ICA1: variants seen among roughly 807,000 people sequenced by gnomAD.
ICA1 encodes islet cell autoantigen 1, also known as 69 kDa islet cell autoantigen.
Under a neutral mutation model 71.0 loss-of-function variants are expected in ICA1, and 40 were observed. That is an observed-to-expected ratio of 0.56 (90% CI 0.44 to 0.73). The LOEUF (loss-of-function observed/expected upper bound fraction) is 0.73. ICA1 is among the 30% of genes least tolerant of loss of function. The pLI, the probability that ICA1 is intolerant of heterozygous loss-of-function variation, is 0.00. For synonymous variants in ICA1, 207 were observed against 209.5 expected, an observed-to-expected ratio of 0.99 and a Z score of 0.10; for missense variants, 578 against 576.5, an observed-to-expected ratio of 1.00 and a Z score of -0.03.
At chr7:8,192,502 G>A (rs1786032951) in intron 6 of ICA1, among the ~76,000 whole-genome samples, 1 of 152,192 alleles carries the variant, frequency 6.6e-6, no homozygotes, top group Non-Finnish European at 1.5e-5. Flanking sequence ...TTAAGATGGT[G>A]TTTGCCAGGT....
chr7:8,253,157 T>C (rs1808777179), intron 1 of ICA1, among the ~76,000 whole-genome samples: 1 of 152,260 alleles, frequency 6.6e-6, no homozygotes, highest in Non-Finnish European at 1.5e-5. Flanking sequence ...ATTAATTCTA[T>C]AACTTCGGTC....
At chr7:8,211,232 T>C (rs1294844572) in intron 6 of ICA1, among the ~76,000 whole-genome samples, 2 of 152,190 alleles carry the variant, frequency 1.3e-5, no homozygotes, top group Admixed American at 1.3e-4. Flanking sequence ...CCCTTGGAGA[T>C]TCAGCAGTAA....
At chr7:8,237,515 C>T (rs1802232389) in intron 1 of ICA1, among the ~76,000 whole-genome samples, 1 of 152,040 alleles carries the variant, frequency 6.6e-6, no homozygotes, top group South Asian at 2.1e-4. Flanking sequence ...TAACAATATA[C>T]ACTTTGTTGT....
chr7:8,148,310 C>A lies in ICA1; in HGVS notation c.805-4338G>T, dbSNP rs138610760. Among the ~76,000 whole-genome samples the A allele has an allele frequency of 2.7e-3, 418 of 152,278 alleles. 3 individuals are homozygous for A. Among genetic ancestry groups the A allele is most frequent in the Non-Finnish European group, 4.0e-3 (269 of 68,022 alleles). On this transcript the variant is annotated intron_variant, in intron 8 of 13. Coordinates refer to ENST00000402384, the MANE Select transcript of ICA1 (RefSeq NM_001136020.3). Reference sequence around the variant, plus strand: ...AGGCGGTGTCTTAGAATTTTTGCTTCACCAACGCTTATTCCTTAATTTAAC... The same window carrying A: ...AGGCGGTGTCTTAGAATTTTTGCTTAACCAACGCTTATTCCTTAATTTAAC...
intron 6 of ICA1, among the ~76,000 whole-genome samples, chr7:8,176,293 A>T (rs1584924887): frequency 6.6e-6 from 1 of 152,232 alleles, no homozygotes; most frequent in Admixed American, 6.5e-5. Flanking sequence ...TCTGCCTGGA[A>T]AGCCCTCTTC....
chr7:8,176,517 G>T (rs1780673719), intron 6 of ICA1, among the ~76,000 whole-genome samples: 1 of 152,186 alleles, frequency 6.6e-6, no homozygotes, highest in African/African-American at 2.4e-5. Flanking sequence ...ACTCTAAGCT[G>T]CACGAAGGGG....
At chr7:8,160,411 C>T (rs886117288) in intron 6 of ICA1, among the ~76,000 whole-genome samples, 3 of 152,164 alleles carry the variant, frequency 2.0e-5, no homozygotes, top group Admixed American at 6.5e-5. Flanking sequence ...GAGGCTTCAT[C>T]AAGGCAAGTT....
chr7:8,183,617 C>T (rs1315624540), intron 6 of ICA1, among the ~76,000 whole-genome samples: 2 of 152,160 alleles, frequency 1.3e-5, no homozygotes, highest in African/African-American at 4.8e-5. Context: ...TAACCCTGAG[C>T]AAGTTATTTA....
chr7:8,152,635 C>T lies in ICA1; in HGVS notation c.804+4481G>A, dbSNP rs796933266. 6.3e-3 allele frequency among the ~76,000 whole-genome samples: 830 copies of T among 132,704 alleles called. 29 individuals are homozygous for T. Among genetic ancestry groups the T allele is most frequent in the South Asian group, 0.014 (57 of 3,980 alleles). 87.1% of individuals were successfully genotyped at this position (132,704 alleles called of 152,430 possible). ...ACCATCACCTCTTCCACCACTACCA[C>T]CATCTCCTCCACCACCACCACCACC... On this transcript the variant is annotated intron_variant, in intron 8 of 13. Transcript: ENST00000402384.
At chr7:8,172,461 T>C (rs1808724018) in intron 6 of ICA1, among the ~76,000 whole-genome samples, 1 of 152,146 alleles carries the variant, frequency 6.6e-6, no homozygotes, top group Admixed American at 6.5e-5. Context: ...ATAAATCTGT[T>C]TCTTTACATT....
At chr7:8,156,842 C>G in intron 8 of ICA1, 5 of 1,490,196 alleles carry the variant, frequency 3.4e-6, no homozygotes, top group Non-Finnish European at 4.4e-6. Context: ...CACAATTCAT[C>G]TCCCAGGAAC....
intron 1 of ICA1, among the ~76,000 whole-genome samples, chr7:8,258,866 G>A (rs1563240248): frequency 6.6e-6 from 1 of 152,198 alleles, no homozygotes; most frequent in South Asian, 2.1e-4. Flanking sequence ...CATCTATCCA[G>A]GGCAAATCAT....
chr7:8,167,844 C>A (rs1465826207), intron 6 of ICA1, among the ~76,000 whole-genome samples: 1 of 152,074 alleles, frequency 6.6e-6, no homozygotes, highest in Non-Finnish European at 1.5e-5. Flanking sequence ...TGAATCAGAG[C>A]CCTTCCTTAG....
At chr7:8,188,878 C>T (rs1037028327) in intron 6 of ICA1, among the ~76,000 whole-genome samples, 7 of 152,102 alleles carry the variant, frequency 4.6e-5, no homozygotes, top group African/African-American at 7.2e-5. Context: ...CTTTCAGTGA[C>T]GCAAAGAGGA....
chr7:8,135,178 C>A (rs1293671017), intron 12 of ICA1, among the ~76,000 whole-genome samples: 2 of 152,068 alleles, frequency 1.3e-5, no homozygotes, highest in Non-Finnish European at 2.9e-5. Context: ...AGATGCCCAT[C>A]ACCAGGCCTG....
Position 8,136,597 on chromosome 7 carries a change from C to G in ICA1, c.1060+2243G>C, listed in dbSNP as rs144822360. 1.7e-3 allele frequency among the ~76,000 whole-genome samples: 252 copies of G among 152,264 alleles called. 2 individuals are homozygous for G. The highest frequency in any genetic ancestry group is 5.7e-3 in the African/African-American group (236 of 41,548). On this transcript the variant is annotated intron_variant, in intron 12 of 13. Coordinates refer to ENST00000402384, the MANE Select transcript of ICA1 (RefSeq NM_001136020.3). ...ATAGAAGCAGAGGCAGACAGTGGGG[C>G]AGCCCTGCTCATGCCTGAAGAAGGG...
At chr7:8,199,698 G>C (rs1788895892) in intron 6 of ICA1, among the ~76,000 whole-genome samples, 1 of 152,192 alleles carries the variant, frequency 6.6e-6, no homozygotes, top group African/African-American at 2.4e-5. Context: ...TGATGACAGA[G>C]CGAGACTCTG....
intron 10 of ICA1, among the ~76,000 whole-genome samples, chr7:8,139,336 A>G (rs1562610862): frequency 6.6e-6 from 1 of 152,208 alleles, no homozygotes; most frequent in Non-Finnish European, 1.5e-5. Context: ...GTAACTGACT[A>G]TTACTTGATG....
chr7:8,137,323 C>A (rs1261864504), intron 12 of ICA1, among the ~76,000 whole-genome samples: 1 of 151,992 alleles, frequency 6.6e-6, no homozygotes, highest in Non-Finnish European at 1.5e-5. Context: ...ATTATATAAA[C>A]AAGATGTTGG....
Sources: gnomAD v4.1 joint callset for allele counts (sites outside exome capture counted in the v4.1 genomes callset) on GRCh38, gnomAD v4.1.1 for gene constraint, MANE v1.5 for transcripts, NCBI Gene and HGNC (gene_info 2026-07-23, HGNC 2026-07-21) for gene names.